Variants in RTN4 observed in about 807,000 individuals in gnomAD.
The protein encoded by RTN4 is reticulon 4.
Under a neutral mutation model 90.4 loss-of-function variants are expected in RTN4, and 32 were observed. The ratio of observed to expected loss-of-function variants is 0.35; its 90% CI spans 0.27 to 0.48. The LOEUF (loss-of-function observed/expected upper bound fraction) is 0.48. RTN4 is among the 20% of genes least tolerant of loss of function. The pLI, the probability that RTN4 is intolerant of heterozygous loss-of-function variation, is 0.99. For synonymous variants in RTN4, 629 were observed against 552.5 expected (o/e 1.14, Z -1.94); for missense variants, 1,706 against 1,430.2 (o/e 1.19, Z -3.11).
At chr2:55,127,065 C>CT in the RTN4 span, among the ~76,000 whole-genome samples, 1 of 152,070 alleles carries the variant, frequency 6.6e-6, no homozygotes, top group Non-Finnish European at 1.5e-5. Context: ...GGGTACTGGG[C>CT]TTAATACCTG....
rs1677083766 is a variant in RTN4, at chr2:54,972,228, G to A, written c.*928C>T. Reference sequence around the variant, plus strand: ...GCTTTATTGATACTTTGCTTTTACAGTTCACAATGCATTCCACAGATTTAG... The same window carrying A: ...GCTTTATTGATACTTTGCTTTTACAATTCACAATGCATTCCACAGATTTAG... On this transcript the variant is annotated 3_prime_UTR_variant, in exon 9 of 9. Transcript: ENST00000337526. The A allele has an allele frequency of 6.6e-6, 1 of 152,598 alleles. No homozygotes were observed. The highest frequency in any genetic ancestry group is 1.5e-5 in the Non-Finnish European group (1 of 68,032). 9.5% of individuals were successfully genotyped at this position (152,598 alleles called of 1,614,324 possible). A position where few individuals can be genotyped will look rare whatever the true frequency, so the allele number is the denominator to read the frequency against.
At chr2:55,104,043 G>C (rs1046665290) in intron 1 of RTN4, among the ~76,000 whole-genome samples, 4 of 151,272 alleles carry the variant, frequency 2.6e-5, no homozygotes, top group Admixed American at 2.6e-4. Flanking sequence ...AGTGTTTTTT[G>C]TTCTTTTTAT....
chr2:54,972,263 G>GCTTAAACCACAATGGTATAAAT lies in RTN4; in HGVS notation c.*871_*892dup, dbSNP rs1677087692. ...CATTCCACAGATTTAGTTCAGTACAGCTTAAACCACAATGGTATAAATCTT... is the reference window on the plus strand; with the variant it reads ...CATTCCACAGATTTAGTTCAGTACAGCTTAAACCACAATGGTATAAATCTTAAACCACAATGGTATAAATCTT... On this transcript the variant is annotated 3_prime_UTR_variant, in exon 9 of 9. Coordinates refer to ENST00000337526, the MANE Select transcript of RTN4 (RefSeq NM_020532.5). 6.6e-6 allele frequency: 1 copy of GCTTAAACCACAATGGTATAAAT among 152,616 alleles called. No individual in the cohort carries two copies. The highest frequency in any genetic ancestry group is 1.5e-5 in the Non-Finnish European group (1 of 68,036). 9.5% of individuals were successfully genotyped at this position (152,616 alleles called of 1,614,324 possible).
rs570099388 is a variant in RTN4, at chr2:54,980,095, G to C, written c.3360+2420C>G. Among the ~76,000 whole-genome samples the C allele has an allele frequency of 2.0e-5, 3 of 152,232 alleles. No homozygotes were observed. The South Asian group carries it at 6.2e-4, about 32-fold the overall frequency. The stretch of plus-strand genomic sequence containing the variant: ...ACTTTCAAATTAGCAGTCACTCAAT[G>C]CAAGAACTTATCAAGTTCGATTTCT... On this transcript the variant is annotated intron_variant, in intron 5 of 8. Coordinates refer to ENST00000337526, the MANE Select transcript of RTN4 (RefSeq NM_020532.5).
intron 1 of RTN4, among the ~76,000 whole-genome samples, chr2:55,093,621 G>T (rs938603840): frequency 2.6e-5 from 4 of 152,078 alleles, no homozygotes; most frequent in African/African-American, 9.7e-5. Flanking sequence ...GAGAGTACAA[G>T]GGTACCAACA....
intron 7 of RTN4, 75 bp downstream of exon 7, chr2:54,973,746 C>T: frequency 6.6e-7 from 1 of 1,511,502 alleles, no homozygotes; most frequent in Non-Finnish European, 9.2e-7. Flanking sequence ...TGAAAATGGG[C>T]ACTAATACAT....
At chr2:55,089,993 T>C (rs1421758675) in intron 1 of RTN4, among the ~76,000 whole-genome samples, 2 of 152,230 alleles carry the variant, frequency 1.3e-5, no homozygotes, top group African/African-American at 2.4e-5. Flanking sequence ...CGAGGAATTG[T>C]TAAAGTTGAG....
intron 3 of RTN4, among the ~76,000 whole-genome samples, chr2:54,998,677 T>G (rs902764022): frequency 5.3e-5 from 8 of 152,212 alleles, no homozygotes; most frequent in African/African-American, 1.2e-4. Context: ...ACATCATTAA[T>G]GCTTGCTGCA....
chr2:54,980,542 A>G (rs185706516), intron 5 of RTN4, among the ~76,000 whole-genome samples: 79 of 152,358 alleles, frequency 5.2e-4, no homozygotes, highest in Middle Eastern at 3.4e-3. Flanking sequence ...AATTGTAGAC[A>G]TATAGCTGCC....
chr2:55,061,456 G>T (rs920019450), intron 2 of RTN4, among the ~76,000 whole-genome samples: 4 of 152,168 alleles, frequency 2.6e-5, no homozygotes, highest in African/African-American at 9.7e-5. Context: ...AATTTCTCCA[G>T]TTGTCCACGC....
intron 1 of RTN4, among the ~76,000 whole-genome samples, chr2:55,048,197 G>A (rs1006630467): frequency 6.6e-6 from 1 of 152,210 alleles, no homozygotes; most frequent in African/African-American, 2.4e-5. Flanking sequence ...CACGTGTGCA[G>A]GGCACTGGCC....
At chr2:55,090,861 C>T (rs528122419) in intron 1 of RTN4, among the ~76,000 whole-genome samples, 9 of 152,216 alleles carry the variant, frequency 5.9e-5, no homozygotes, top group Admixed American at 3.9e-4. Context: ...CACTCAGTTG[C>T]TCAAGCCCCA....
intron 1 of RTN4, among the ~76,000 whole-genome samples, chr2:55,109,996 G>C (rs1319127682): frequency 2.0e-5 from 3 of 152,100 alleles, no homozygotes; most frequent in African/African-American, 7.2e-5. Context: ...GATAAATAGT[G>C]AAAGGAACAA....
intron 3 of RTN4, among the ~76,000 whole-genome samples, chr2:55,002,479 G>C (rs2104753264): frequency 6.6e-6 from 1 of 152,312 alleles, no homozygotes; most frequent in Non-Finnish European, 1.5e-5. Context: ...TAAGAGAAAA[G>C]TGAAGTTCAA....
intron 1 of RTN4, among the ~76,000 whole-genome samples, chr2:55,032,409 A>G (rs998819006): frequency 2.0e-5 from 3 of 152,174 alleles, no homozygotes; most frequent in Non-Finnish European, 4.4e-5. Context: ...TGAAAATTAA[A>G]ATAGCTATTA....
the RTN4 span, among the ~76,000 whole-genome samples, chr2:55,117,950 T>G: frequency 6.6e-6 from 1 of 152,348 alleles, no homozygotes; most frequent in East Asian, 1.9e-4. Context: ...TTTTATAAGA[T>G]TCCCTTTATA....
intron 2 of RTN4, among the ~76,000 whole-genome samples, chr2:55,072,248 G>A (rs932126030): frequency 3.5e-4 from 43 of 122,764 alleles, no homozygotes; most frequent in Non-Finnish European, 6.8e-4. Flanking sequence ...TTTTTTTTTT[G>A]AGGCAGAGCC....
the RTN4 span, among the ~76,000 whole-genome samples, chr2:55,118,486 A>G: frequency 6.6e-6 from 1 of 152,106 alleles, no homozygotes; most frequent in South Asian, 2.1e-4. Context: ...ACACCCAGGA[A>G]GAAGTTTCAC....
chr2:55,034,299 G>A (rs541143019), intron 1 of RTN4, among the ~76,000 whole-genome samples: 32 of 152,158 alleles, frequency 2.1e-4, no homozygotes, highest in Middle Eastern at 3.4e-3. Context: ...CCTGGGGTAC[G>A]AGACCAGCCC....
Sources: gnomAD v4.1 joint callset for allele counts (sites outside exome capture counted in the v4.1 genomes callset) on GRCh38, gnomAD v4.1.1 for gene constraint, MANE v1.5 for transcripts, NCBI Gene and HGNC (gene_info 2026-07-23, HGNC 2026-07-21) for gene names.